CBY1: variants seen among roughly 807,000 people sequenced by gnomAD.
CBY1 encodes protein chibby homolog 1.
In CBY1, 10 loss-of-function variants were observed where a neutral mutation model predicts 15.6. The observed-to-expected ratio is 0.64, with a 90% CI of 0.40 to 1.09. CBY1 has a LOEUF of 1.09. Ranked by LOEUF, CBY1 falls within the 50% of genes least tolerant of loss-of-function variation. The pLI is 0.01. For synonymous variants in CBY1, 61 were observed against 63.5 expected, an observed-to-expected ratio of 0.96 and a Z score of 0.19; for missense variants, 150 against 160.5, an observed-to-expected ratio of 0.93 and a Z score of 0.35.
intron 1 of CBY1, among the ~76,000 whole-genome samples, chr22:38,658,674 C>A (rs1272975491): frequency 6.6e-6 from 1 of 151,884 alleles, no homozygotes; most frequent in Admixed American, 6.6e-5. Flanking sequence ...GACGGGGTTT[C>A]ACTGTGTTAG....
At chr22:38,672,270 A>G (rs1459643911) in intron 4 of CBY1, among the ~76,000 whole-genome samples, 1 of 151,744 alleles carries the variant, frequency 6.6e-6, no homozygotes, top group African/African-American at 2.4e-5. Context: ...TTGGAAAAAA[A>G]AAAAAGAAAA....
Position 38,670,951 on chromosome 22 carries a change from G to A in CBY1, c.146G>A (p.Gly49Glu). The A allele has an allele frequency of 6.2e-7, 1 of 1,614,226 alleles. No individual in the cohort carries two copies. The highest frequency in any genetic ancestry group is 8.5e-7 in the Non-Finnish European group (1 of 1,180,032). ...EYGSPTMNLA[G>E]QSLKFENGQW... The stretch of plus-strand genomic sequence containing the variant: ...GGATCCCCGACTATGAACCTGGCAG[G>A]GCAAAGCCTGAAGTTTGAAAATGGC... Residue 49 changes from glycine (G) to glutamate (E), a missense_variant, in exon 3 of 5, where the codon GGG becomes GAG. By Grantham distance (98) the Gly-to-Glu change is moderately conservative. Transcript: ENST00000216029.
Position 38,671,006 on chromosome 22 carries a change from G to C in CBY1, c.184+17G>C, listed in dbSNP as rs1464975912. 7 of 1,612,564 alleles carry C rather than the reference G, an allele frequency of 4.3e-6. No individual in the cohort carries two copies. Among genetic ancestry groups the C allele is most frequent in the Non-Finnish European group, 5.9e-6 (7 of 1,178,592 alleles). On this transcript the variant is annotated intron_variant, in intron 3 of 4. Transcript: ENST00000216029. ...GGATAGCAGGTGAGCTGCACTTCCT[G>C]CCATTTTGTCAAACAAGATTGTAGG...
chr22:38,664,764 T>C (rs370272232), intron 1 of CBY1, among the ~76,000 whole-genome samples: 24 of 152,280 alleles, frequency 1.6e-4, no homozygotes, highest in African/African-American at 5.8e-4. Context: ...TGTGACTCTA[T>C]AGTTATACCC....
intron 1 of CBY1, among the ~76,000 whole-genome samples, chr22:38,659,372 C>A (rs2092415091): frequency 1.3e-5 from 2 of 152,006 alleles, no homozygotes. Flanking sequence ...CCTCAGCCTT[C>A]TGAGTAGCTG....
rs371331978 is a variant in CBY1 at position 38,671,124 on chromosome 22, G to A, written c.239G>A (p.Arg80Gln). 8.7e-6 allele frequency: 14 copies of A among 1,614,108 alleles called. No homozygotes were observed. In the East Asian group the frequency reaches 8.9e-5, roughly 10 times the overall value. Residue 80 changes from arginine (R) to glutamine (Q), a missense_variant, in exon 4 of 5, where the codon CGG (arginine) becomes CAG (glutamine). By Grantham distance (43) the Arg-to-Gln change is conservative. Coordinates refer to ENST00000216029, the MANE Select transcript of CBY1 (RefSeq NM_015373.4). ...DRREVQRLRRRNQQLEEENNL... is the reference protein window; with the variant it reads ...DRREVQRLRRQNQQLEEENNL... ...AGGGAGGTTCAGCGCCTTCGCAGGCGGAACCAGCAGTTGGAGGAAGAGAAC... is the reference window on the plus strand; with the variant it reads ...AGGGAGGTTCAGCGCCTTCGCAGGCAGAACCAGCAGTTGGAGGAAGAGAAC...
Position 38,667,999 on chromosome 22 carries a change from G to C in CBY1, c.-38-18G>C, listed in dbSNP as rs2092441743. ...CAGTGATCCAGCTGCTTGTACCCCT[G>C]ACTTTTTCTGACCCTAGGAGAAGGG... is the stretch of plus-strand genomic sequence containing the variant. On this transcript the variant is annotated intron_variant, in intron 1 of 4. Coordinates refer to ENST00000216029, the MANE Select transcript of CBY1 (RefSeq NM_015373.4). 19 of 1,482,352 alleles carry C rather than the reference G, an allele frequency of 1.3e-5. No homozygotes were observed. Among genetic ancestry groups the C allele is most frequent in the Non-Finnish European group, 1.6e-5 (17 of 1,062,670 alleles). 91.8% of individuals were successfully genotyped at this position (1,482,352 alleles called of 1,614,324 possible).
chr22:38,661,360 G>C (rs920130121), intron 1 of CBY1, among the ~76,000 whole-genome samples: 8 of 152,112 alleles, frequency 5.3e-5, no homozygotes, highest in African/African-American at 1.9e-4. Context: ...ATTTTTAGTA[G>C]AGACAGGGTT....
At chr22:38,669,175 A>C (rs1183539442) in intron 2 of CBY1, among the ~76,000 whole-genome samples, 2 of 152,052 alleles carry the variant, frequency 1.3e-5, no homozygotes. Flanking sequence ...CCATATGGTC[A>C]CTGGTGGATT....
At chr22:38,664,159 G>C (rs1009716253) in intron 1 of CBY1, among the ~76,000 whole-genome samples, 2 of 151,704 alleles carry the variant, frequency 1.3e-5, no homozygotes, top group African/African-American at 2.4e-5. Flanking sequence ...GAACATGATA[G>C]ACAGCTCAAT....
chr22:38,671,351 C>T, intron 4 of CBY1, 163 bp downstream of exon 4: 1 of 657,074 alleles, frequency 1.5e-6, no homozygotes, highest in South Asian at 1.7e-5. Context: ...CCTGCCCTCA[C>T]AGTGTAGAGG....
intron 1 of CBY1, chr22:38,666,508 G>C (rs952911279): frequency 6.6e-6 from 1 of 152,064 alleles, no homozygotes; most frequent in Non-Finnish European, 1.5e-5. Context: ...TACAGGTTGG[G>C]GGGGTGTTGT....
intron 1 of CBY1, among the ~76,000 whole-genome samples, chr22:38,658,772 G>A (rs779323303): frequency 2.0e-5 from 3 of 152,090 alleles, no homozygotes; most frequent in South Asian, 2.1e-4. Context: ...CACCACGCCC[G>A]GCCTATTCTT....
At chr22:38,671,568 C>T (rs2092452697) in intron 4 of CBY1, 1 of 277,150 alleles carries the variant, frequency 3.6e-6, no homozygotes, top group African/African-American at 2.2e-5. Flanking sequence ...CGGCTCATGG[C>T]TTGGAAGTGT....
chr22:38,671,864 C>T (rs575625084), intron 4 of CBY1, among the ~76,000 whole-genome samples: 1 of 152,258 alleles, frequency 6.6e-6, no homozygotes, highest in South Asian at 2.1e-4. Flanking sequence ...TGGTGCACCC[C>T]TGTAGTCCCA....
chr22:38,666,579 T>A (rs1335160382), intron 1 of CBY1: 1 of 152,150 alleles, frequency 6.6e-6, no homozygotes, highest in Non-Finnish European at 1.5e-5. Flanking sequence ...TCACCTTCCA[T>A]AACAGAACAG....
intron 1 of CBY1, chr22:38,665,755 G>C: frequency 1.6e-6 from 2 of 1,216,442 alleles, no homozygotes; most frequent in Non-Finnish European, 1.0e-6. Flanking sequence ...AATGTTTTGA[G>C]CCAGTGCGTT....
chr22:38,668,164 G>T (rs1243038136), intron 2 of CBY1, 32 bp downstream of exon 2: 13 of 1,324,434 alleles, frequency 9.8e-6, no homozygotes, highest in Non-Finnish European at 1.4e-5. Context: ...GGCCGGGTGT[G>T]CAGCATGAGT....
chr22:38,662,056 C>T (rs576268335), intron 1 of CBY1, among the ~76,000 whole-genome samples: 1 of 152,278 alleles, frequency 6.6e-6, no homozygotes, highest in South Asian at 2.1e-4. Context: ...AATCCCAGCA[C>T]TTTGAGAGGC....
Sources: allele counts gnomAD v4.1 joint callset (sites outside exome capture counted in the v4.1 genomes callset), GRCh38; gene constraint gnomAD v4.1.1; transcripts MANE v1.5; gene names NCBI Gene and HGNC (gene_info 2026-07-23, HGNC 2026-07-21).